The following GPX4 variants were observed in gnomAD, a reference collection of about 807,000 sequenced individuals.
GPX4 encodes phospholipid hydroperoxide glutathione peroxidase GPX4.
In GPX4, 28 loss-of-function variants were observed where a neutral mutation model predicts 27.8. The ratio of observed to expected loss-of-function variants is 1.01; its 90% CI spans 0.75 to 1.38. GPX4 has a LOEUF of 1.38. Ranked by LOEUF, GPX4 falls within the 40% of genes most tolerant of loss-of-function variation. GPX4 has a pLI of 0.00. For missense variants in GPX4, 357 were observed against 274.1 expected (o/e 1.30, Z -2.14); for synonymous variants, 163 against 107.8 (o/e 1.51, Z -3.17).
At chr19:1,105,546 G>C in intron 3 of GPX4, 36 bp downstream of exon 3, 4 of 1,607,450 alleles carry the variant, frequency 2.5e-6, no homozygotes, top group Non-Finnish European at 3.4e-6. Context: ...GCAGAGGCGG[G>C]TGGGTGGGGG....
rs1157253019 is a variant in GPX4, at chr19:1,105,251, C to T, written c.150C>T (p.Asp50=). ...ACGAGTTTTCCGCCAAGGACATCGA[C>T]GGGCACATGGTTAACCTGGACAAGT... ...SMHEFSAKDI[D]GHMVNLDKYR... Residue 50 remains aspartate (D), a synonymous_variant, in exon 2 of 7, where the codon GAC becomes GAT. Transcript: ENST00000354171. The T allele has an allele frequency of 4.3e-6, 7 of 1,613,102 alleles. No homozygotes were observed. In the Admixed American group the frequency reaches 5.0e-5, roughly 12 times the overall value.
chr19:1,105,750 C>G lies in GPX4; in HGVS notation c.417C>G (p.Asp139Glu). 6.3e-7 allele frequency: 1 copy of G among 1,596,726 alleles called. No homozygotes were observed. The highest frequency in any genetic ancestry group is 1.1e-5 in the South Asian group (1 of 88,598). The change falls in exon 4 of 7, where the codon GAC becomes GAG. Residue 139 changes from aspartate (D) to glutamate (E), a missense_variant. Physicochemically the swap from Asp to Glu is conservative, Grantham distance 45 (BLOSUM62 2). Coordinates refer to ENST00000354171, the MANE Select transcript of GPX4 (RefSeq NM_002085.5). ...MFSKICVNGD[D>E]AHPLWKWMKI... is the part of the protein sequence containing the mutation. ...GCAAGATCTGCGTGAACGGGGACGA[C>G]GCCCACCCGCTGTGGAAGTGGATGA... is the stretch of plus-strand genomic sequence containing the variant.
At position 1,106,710 on chromosome 19, in the gene GPX4, C is replaced by T; in HGVS notation, c.*138C>T. 1 of 1,177,416 alleles carries T rather than the reference C, an allele frequency of 8.5e-7. No individual in the cohort carries two copies. Among genetic ancestry groups the T allele is most frequent in the Non-Finnish European group, 1.2e-6 (1 of 841,584 alleles). 72.9% of individuals were successfully genotyped at this position (1,177,416 alleles called of 1,614,324 possible). On this transcript the variant is annotated 3_prime_UTR_variant, in exon 7 of 7. Transcript: ENST00000354171. The stretch of plus-strand genomic sequence containing the variant: ...GCGTGCACCCCGCCGGAGGAAGGTC[C>T]CATGGCCTGCTGGGCTTGGCTCGGC...
chr19:1,105,104 C>T, intron 1 of GPX4, 82 bp from the exon 2 acceptor site: 1 of 1,546,274 alleles, frequency 6.5e-7, no homozygotes, highest in East Asian at 2.3e-5. Flanking sequence ...CGCCACCGAC[C>T]CGCTCCCGAT....
rs1045408258 is a variant in GPX4, at chr19:1,105,226, A to G, written c.125A>G (p.His42Arg). 5 of 1,613,002 alleles carry G rather than the reference A, an allele frequency of 3.1e-6. No individual in the cohort carries two copies. The Admixed American group carries it at 6.7e-5, about 22-fold the overall frequency. The part of the protein sequence containing the change: ...RDDWRCARSM[H>R]EFSAKDIDGH... ...GACTGGCGCTGTGCGCGCTCCATGC[A>G]CGAGTTTTCCGCCAAGGACATCGAC... Residue 42 changes from histidine (H) to arginine (R), a missense_variant, in exon 2 of 7, where the codon CAC (histidine) becomes CGC (arginine). Transcript: ENST00000354171.
At chr19:1,105,559 G>A (rs754920720) in intron 3 of GPX4, 49 bp downstream of exon 3, 7 of 1,603,226 alleles carry the variant, frequency 4.4e-6, no homozygotes, top group Middle Eastern at 2.0e-4. Context: ...GGTGGGGGTC[G>A]GGGTGGGCTC....
chr19:1,105,672 CGAA>C lies in GPX4; in HGVS notation c.342_344del (p.Glu115del). ...GGCCGCCACAGGAGCCAGGGAGTAA[CGAA>C]GAGATCAAAGAGTTCGCCGCGGGCT... On this transcript the variant is annotated inframe_deletion, in exon 4 of 7. Coordinates refer to ENST00000354171, the MANE Select transcript of GPX4 (RefSeq NM_002085.5). The C allele has an allele frequency of 1.9e-6, 3 of 1,613,010 alleles. No homozygotes were observed. The highest frequency in any genetic ancestry group is 2.5e-6 in the Non-Finnish European group (3 of 1,179,704).
rs1202965845 is a variant in GPX4 at position 1,104,035 on chromosome 19, C to G, written c.-9C>G. 6.6e-7 allele frequency: 1 copy of G among 1,518,560 alleles called. No homozygotes were observed. Among genetic ancestry groups the G allele is most frequent in the Non-Finnish European group, 8.8e-7 (1 of 1,139,488 alleles). 94.1% of individuals were successfully genotyped at this position (1,518,560 alleles called of 1,614,324 possible). On this transcript the variant is annotated 5_prime_UTR_variant, in exon 1 of 7. Coordinates refer to ENST00000354171, the MANE Select transcript of GPX4 (RefSeq NM_002085.5). ...AGGGGAGGAGCCGCTGGCTCCCAGC[C>G]CCGCCGCGATGAGCCTCGGCCGCCT...
rs8178967 is a variant in GPX4, at chr19:1,104,048, G to A, written c.5G>A (p.Ser2Asn). 5.4e-3 allele frequency: 8,176 copies of A among 1,519,908 alleles called. 400 individuals carry two copies. The African/African-American group carries it at 0.1, about 19-fold the overall frequency. 94.2% of individuals were successfully genotyped at this position (1,519,908 alleles called of 1,614,324 possible). Reference sequence around the variant, plus strand: ...CTGGCTCCCAGCCCCGCCGCGATGAGCCTCGGCCGCCTTTGCCGCCTACTG... The same window carrying A: ...CTGGCTCCCAGCCCCGCCGCGATGAACCTCGGCCGCCTTTGCCGCCTACTG... Reference protein sequence around the residue: MSLGRLCRLLKP... With the variant: MNLGRLCRLLKP... The change falls in exon 1 of 7, where the codon AGC becomes AAC. Residue 2 changes from serine to asparagine, a missense_variant. Ser to Asn is a conservative substitution (Grantham distance 46). Coordinates refer to ENST00000354171, the MANE Select transcript of GPX4 (RefSeq NM_002085.5).
In GPX4 at chr19:1,106,392, C is replaced by G; in HGVS notation, c.502-8C>G. The G allele has an allele frequency of 6.2e-7, 1 of 1,613,570 alleles. No homozygotes were observed. The highest frequency in any genetic ancestry group is 1.1e-5 in the South Asian group (1 of 91,090). ...TGGCCCCACAGTTTGGACACCGTCTCTCCACAGTTCCTCATCGACAAGAAC... is the reference window on the plus strand; with the variant it reads ...TGGCCCCACAGTTTGGACACCGTCTGTCCACAGTTCCTCATCGACAAGAAC... On this transcript the variant is annotated splice_polypyrimidine_tract_variant and splice_region_variant and intron_variant, in intron 5 of 6. Coordinates refer to ENST00000354171, the MANE Select transcript of GPX4 (RefSeq NM_002085.5).
intron 1 of GPX4, 106 bp from the exon 2 acceptor site, chr19:1,105,080 G>A: frequency 6.7e-7 from 1 of 1,498,020 alleles, no homozygotes; most frequent in Non-Finnish European, 9.1e-7. Flanking sequence ...AGGGCCGCAG[G>A]GCCTCGGTGT....
At chr19:1,104,187 T>A (rs1286040929) in intron 1 of GPX4, 60 bp downstream of exon 1, 12 of 1,320,986 alleles carry the variant, frequency 9.1e-6, no homozygotes, top group Middle Eastern at 2.7e-4. Context: ...GCGCGATCCC[T>A]GCCTCCGCTC....
chr19:1,105,911 CG>C (rs1430667277), intron 4 of GPX4, 102 bp downstream of exon 4: 1 of 1,284,312 alleles, frequency 7.8e-7, no homozygotes, highest in African/African-American at 1.6e-5. Context: ...GCTCGGGGGG[CG>C]GTTGCGGGGA....
At position 1,105,207 on chromosome 19, in the gene GPX4, C is replaced by T. The variant is rs749766545; in HGVS notation, c.106C>T (p.Arg36Cys). Residue 36 changes from arginine (R) to cysteine (C), a missense_variant, in exon 2 of 7, where the codon CGC becomes TGC. Physicochemically the swap from Arg to Cys is radical, Grantham distance 180. Transcript: ENST00000354171. ...GCAGTGCGCGTCCCGGGACGACTGG[C>T]GCTGTGCGCGCTCCATGCACGAGTT... ...GTMCASRDDW[R>C]CARSMHEFSA... The T allele has an allele frequency of 3.7e-6, 6 of 1,612,938 alleles. No homozygotes were observed. In the Admixed American group the frequency reaches 1.0e-4, roughly 27 times the overall value.
At chr19:1,105,161 C>T in intron 1 of GPX4, 25 bp from the exon 2 acceptor site, 1 of 1,611,826 alleles carries the variant, frequency 6.2e-7, no homozygotes, top group Non-Finnish European at 8.5e-7. Flanking sequence ...TCCACGCTCC[C>T]TGCTCAGCTT....
chr19:1,105,902 C>CT (rs2079646448), intron 4 of GPX4, 93 bp downstream of exon 4: 5 of 1,415,958 alleles, frequency 3.5e-6, no homozygotes, highest in Non-Finnish European at 4.8e-6. Context: ...TGGCTCATGG[C>CT]TCGGGGGGCG....
chr19:1,105,879 C>T, intron 4 of GPX4, 70 bp downstream of exon 4: 1 of 1,448,806 alleles, frequency 6.9e-7, no homozygotes, highest in Non-Finnish European at 9.3e-7. Flanking sequence ...GCTCACACCT[C>T]CCTGGGGCAG....
At chr19:1,104,177 G>C in intron 1 of GPX4, 50 bp downstream of exon 1, 7 of 1,363,570 alleles carry the variant, frequency 5.1e-6, no homozygotes, top group Non-Finnish European at 6.6e-6. Context: ...TGGGGCGGGC[G>C]CGCGATCCCT....
intron 3 of GPX4, 45 bp downstream of exon 3, chr19:1,105,555 G>T: frequency 6.2e-7 from 1 of 1,602,838 alleles, no homozygotes; most frequent in East Asian, 2.2e-5. Flanking sequence ...GGTGGGTGGG[G>T]GTCGGGGTGG....
Sources: allele counts gnomAD v4.1 joint callset, GRCh38; gene constraint gnomAD v4.1.1; transcripts MANE v1.5; gene names NCBI Gene and HGNC (gene_info 2026-07-23, HGNC 2026-07-21).